Variants in FIG4 observed in about 807,000 individuals in gnomAD.
FIG4 encodes the protein FIG4 phosphoinositide 5-phosphatase.
A neutral mutation model predicts 118.6 loss-of-function variants in FIG4; 112 were observed. The observed-to-expected ratio is 0.94, with a 90% CI of 0.81 to 1.11. FIG4 has a LOEUF of 1.11. FIG4 is among the 50% of genes least tolerant of loss of function. The probability of loss-of-function intolerance (pLI) is 0.00; values close to 1 mark genes in which losing one functional copy is unlikely to be tolerated. For missense variants in FIG4, 969 were observed against 1,111.7 expected (o/e 0.87, Z 1.83); for synonymous variants, 369 against 381.2 (o/e 0.97, Z 0.37).
chr6:109,754,741 G>C (rs1776827165), intron 10 of FIG4, among the ~76,000 whole-genome samples: 1 of 152,142 alleles, frequency 6.6e-6, no homozygotes, highest in Non-Finnish European at 1.5e-5. Context: ...GGTGTTTGTA[G>C]TATTCTCTGA....
chr6:109,756,750 C>G (rs951656385), intron 10 of FIG4, among the ~76,000 whole-genome samples: 1 of 152,246 alleles, frequency 6.6e-6, no homozygotes, highest in African/African-American at 2.4e-5. Context: ...CTTCTGCATT[C>G]TTGACGTAGT....
At chr6:109,709,962 G>A (rs1775206872) in intron 1 of FIG4, among the ~76,000 whole-genome samples, 1 of 152,024 alleles carries the variant, frequency 6.6e-6, no homozygotes, top group African/African-American at 2.4e-5. Context: ...TCTTTCTCTT[G>A]CCCGATTACC....
intron 20 of FIG4, 29 bp from the exon 21 acceptor site, chr6:109,792,553 G>C: frequency 7.3e-7 from 1 of 1,377,804 alleles, no homozygotes; most frequent in African/African-American, 1.4e-5. Flanking sequence ...AATTCTTCCT[G>C]GTTCTTCTTT....
At chr6:109,815,496 C>CTT (rs58181285) in intron 22 of FIG4, among the ~76,000 whole-genome samples, 18 of 106,476 alleles carry the variant, frequency 1.7e-4, no homozygotes, top group South Asian at 2.9e-4. Context: ...CTCCAGGCTG[C>CTT]CCCCCCCACC....
At chr6:109,710,022 A>G (rs1364349748) in intron 1 of FIG4, among the ~76,000 whole-genome samples, 1 of 152,158 alleles carries the variant, frequency 6.6e-6, no homozygotes, top group East Asian at 1.9e-4. Context: ...GAGAGAAGAC[A>G]TTCTTGTCTT....
chr6:109,754,310 A>C (rs954678193), intron 10 of FIG4, among the ~76,000 whole-genome samples: 2 of 152,154 alleles, frequency 1.3e-5, no homozygotes, highest in Non-Finnish European at 2.9e-5. Context: ...ATGGTGGATA[A>C]GCTTTTTGAT....
chr6:109,695,749 T>C (rs1337618989), intron 1 of FIG4, among the ~76,000 whole-genome samples: 1 of 152,222 alleles, frequency 6.6e-6, no homozygotes, highest in African/African-American at 2.4e-5. Flanking sequence ...CCATATTTAA[T>C]ACAGTTCTTT....
At chr6:109,753,876 C>A (rs1418072755) in intron 10 of FIG4, among the ~76,000 whole-genome samples, 1 of 152,196 alleles carries the variant, frequency 6.6e-6, no homozygotes, top group Non-Finnish European at 1.5e-5. Flanking sequence ...ACAATCATGT[C>A]ATCTGCAAAC....
chr6:109,766,879 C>T lies in FIG4; in HGVS notation c.1734C>T (p.Tyr578=), dbSNP rs1224727049. Residue 578 remains tyrosine, a synonymous_variant, in exon 15 of 23, where the codon TAC becomes TAT. Transcript: ENST00000230124. The stretch of plus-strand genomic sequence containing the variant: ...TCATGCAAACCCTGTCTAGATATTA[C>T]AGCAATGCTTTTTCAGGTAATTCTG... ...KDIMQTLSRY[Y]SNAFSDADRQ... The T allele has an allele frequency of 6.2e-7, 1 of 1,613,962 alleles. No homozygotes were observed.
At chr6:109,777,670 G>A (rs11757485) in intron 16 of FIG4, among the ~76,000 whole-genome samples, 2 of 152,072 alleles carry the variant, frequency 1.3e-5, no homozygotes, top group African/African-American at 4.8e-5. Flanking sequence ...ACTAGCTAGC[G>A]TCAGATAACC....
intron 22 of FIG4, among the ~76,000 whole-genome samples, chr6:109,803,447 A>C (rs1360094292): frequency 6.6e-6 from 1 of 152,192 alleles, no homozygotes; most frequent in Non-Finnish European, 1.5e-5. Context: ...AGTTGCCAGG[A>C]TAGCAAATAT....
At chr6:109,760,798 C>G (rs1777082843) in intron 11 of FIG4, among the ~76,000 whole-genome samples, 1 of 152,056 alleles carries the variant, frequency 6.6e-6, no homozygotes, top group African/African-American at 2.4e-5. Context: ...CAGAATGTGA[C>G]CACTTTTTAT....
At chr6:109,733,353 A>G (rs1018185320) in intron 5 of FIG4, among the ~76,000 whole-genome samples, 6 of 152,118 alleles carry the variant, frequency 3.9e-5, no homozygotes, top group African/African-American at 1.4e-4. Flanking sequence ...TTTTACTACC[A>G]TTGACGTGAC....
At chr6:109,729,773 C>CAAAAAAA (rs11305700) in intron 4 of FIG4, among the ~76,000 whole-genome samples, 1 of 111,262 alleles carries the variant, frequency 9.0e-6, no homozygotes. Context: ...GACCCTGCCT[C>CAAAAAAA]AAAAAAAAAA....
chr6:109,792,324 T>G (rs543795541), intron 20 of FIG4, among the ~76,000 whole-genome samples: 9 of 152,372 alleles, frequency 5.9e-5, no homozygotes, highest in Admixed American at 5.9e-4. Context: ...CAGGATAAGG[T>G]TGCCAACTCC....
At chr6:109,786,806 T>A (rs1317327983) in intron 18 of FIG4, among the ~76,000 whole-genome samples, 1 of 152,150 alleles carries the variant, frequency 6.6e-6, no homozygotes, top group African/African-American at 2.4e-5. Flanking sequence ...AGGATGTGAA[T>A]CTTAGTTCAG....
At chr6:109,798,679 CAT>C (rs1778351120) in intron 22 of FIG4, among the ~76,000 whole-genome samples, 1 of 152,112 alleles carries the variant, frequency 6.6e-6, no homozygotes, top group Non-Finnish European at 1.5e-5. Context: ...GAGACAGAGA[CAT>C]AGAAAAACCT....
chr6:109,823,635 T>C (rs1779075136), intron 22 of FIG4, among the ~76,000 whole-genome samples: 1 of 152,120 alleles, frequency 6.6e-6, no homozygotes, highest in Admixed American at 6.5e-5. Context: ...GAAATGTTGA[T>C]ATTTCAAGTA....
chr6:109,759,239 A>G lies in FIG4; in HGVS notation c.1138-1011A>G, dbSNP rs59662907. Among the ~76,000 whole-genome samples the G allele has an allele frequency of 6.2e-3, 944 of 152,316 alleles. 14 individuals carry two copies. Among genetic ancestry groups the G allele is most frequent in the African/African-American group, 0.022 (894 of 41,564 alleles). On this transcript the variant is annotated intron_variant, in intron 10 of 22. Coordinates refer to ENST00000230124, the MANE Select transcript of FIG4 (RefSeq NM_014845.6). ...GGACTGGATAAAGAAAATGTGGTAC[A>G]TATATACCATGGAATACTATGCAGC... is the stretch of plus-strand genomic sequence containing the variant.
Sources: gnomAD v4.1 joint callset for allele counts (sites outside exome capture counted in the v4.1 genomes callset) on GRCh38, gnomAD v4.1.1 for gene constraint, MANE v1.5 for transcripts, NCBI Gene and HGNC (gene_info 2026-07-23, HGNC 2026-07-21) for gene names.